TTBK2: variants seen among roughly 807,000 people sequenced by gnomAD.
The protein encoded by TTBK2 is tau-tubulin kinase 2.
TTBK2 carries 28 observed loss-of-function variants against 110.8 expected under a neutral mutation model. That is an observed-to-expected ratio of 0.25 (90% CI 0.19 to 0.35). The LOEUF is 0.35. Ranked by LOEUF, TTBK2 falls within the 10% of genes least tolerant of loss-of-function variation. The pLI is 1.00. For synonymous variants in TTBK2, 532 were observed against 527.3 expected, an observed-to-expected ratio of 1.01 and a Z score of -0.12; for missense variants, 1,369 against 1,500.3, an observed-to-expected ratio of 0.91 and a Z score of 1.45.
chr15:42,791,176 G>T (rs1004690635), intron 10 of TTBK2, among the ~76,000 whole-genome samples: 1 of 152,116 alleles, frequency 6.6e-6, no homozygotes, highest in Non-Finnish European at 1.5e-5. Flanking sequence ...GAGCCACGGT[G>T]CCTGGCCAAT....
At chr15:42,801,748 C>T in intron 9 of TTBK2, 1 of 826,436 alleles carries the variant, frequency 1.2e-6, no homozygotes, top group Non-Finnish European at 2.1e-6. Context: ...CCTGAGGAAG[C>T]TGATCTTGGC....
At chr15:42,804,503 A>T (rs1057449006) in intron 9 of TTBK2, among the ~76,000 whole-genome samples, 2 of 152,166 alleles carry the variant, frequency 1.3e-5, no homozygotes, top group Non-Finnish European at 2.9e-5. Flanking sequence ...CATTTCACAG[A>T]CTAGAAAACT....
chr15:42,856,544 T>C (rs946087118), intron 3 of TTBK2, among the ~76,000 whole-genome samples: 3 of 152,138 alleles, frequency 2.0e-5, no homozygotes, highest in Non-Finnish European at 2.9e-5. Context: ...ACTGGATAGA[T>C]ATGAGATGGT....
At chr15:42,902,791 G>A (rs1041730108) in intron 1 of TTBK2, among the ~76,000 whole-genome samples, 3 of 151,960 alleles carry the variant, frequency 2.0e-5, no homozygotes, top group Non-Finnish European at 4.4e-5. Flanking sequence ...TCAGAAGTTT[G>A]AGACCAGCCT....
intron 1 of TTBK2, among the ~76,000 whole-genome samples, chr15:42,883,794 A>G (rs980721133): frequency 3.3e-5 from 5 of 152,148 alleles, no homozygotes; most frequent in Admixed American, 2.0e-4. Context: ...AAAGACAGAG[A>G]TTAGCAGGAT....
Position 42,752,202 on chromosome 15 carries a change from C to A in TTBK2, c.3044G>T (p.Cys1015Phe). 1 of 1,614,106 alleles carries A rather than the reference C, an allele frequency of 6.2e-7. No individual in the cohort carries two copies. The highest frequency in any genetic ancestry group is 1.3e-5 in the African/African-American group (1 of 75,032). The part of the protein sequence containing the change: ...EKLATVPAPF[C>F]EEEVLTPFSR... ...AAAGGGAGTGAGCACTTCCTCCTCA[C>A]AAAAGGGAGCAGGAACAGTAGCTAG... The change falls in exon 14 of 15, where the codon TGT becomes TTT. Residue 1015 changes from cysteine (C) to phenylalanine (F), a missense_variant. Physicochemically the swap from Cys to Phe is radical, Grantham distance 205. Around this residue, in one of 4 missense-constraint regions of TTBK2, gnomAD observed 1,097 missense variants for 1,114.7 expected, o/e 0.98. Coordinates refer to ENST00000267890, the MANE Select transcript of TTBK2 (RefSeq NM_173500.4).
At chr15:42,822,936 A>C (rs538949493) in intron 6 of TTBK2, among the ~76,000 whole-genome samples, 16 of 152,338 alleles carry the variant, frequency 1.1e-4, no homozygotes, top group African/African-American at 3.6e-4. Flanking sequence ...TAAATCAAGA[A>C]AGAAGAGAAT....
intron 9 of TTBK2, among the ~76,000 whole-genome samples, chr15:42,797,589 C>T (rs989337399): frequency 1.3e-5 from 2 of 152,176 alleles, no homozygotes; most frequent in Non-Finnish European, 1.5e-5. Flanking sequence ...AGCAGGGTGG[C>T]GCTAAATCCT....
At chr15:42,802,312 CA>C (rs755630451) in intron 9 of TTBK2, 3 of 777,954 alleles carry the variant, frequency 3.9e-6, no homozygotes, top group Non-Finnish European at 7.0e-6. Flanking sequence ...GGAGCTGATG[CA>C]GGCACCAGGC....
At chr15:42,865,643 C>T (rs1192945592) in intron 3 of TTBK2, among the ~76,000 whole-genome samples, 3 of 151,210 alleles carry the variant, frequency 2.0e-5, no homozygotes, top group African/African-American at 7.3e-5. Context: ...GGCAACATAG[C>T]GAGACTCTGT....
intron 3 of TTBK2, among the ~76,000 whole-genome samples, chr15:42,860,531 G>A (rs148762166): frequency 6.6e-6 from 1 of 151,816 alleles, no homozygotes; most frequent in Non-Finnish European, 1.5e-5. Flanking sequence ...TGGATCGCTT[G>A]AGCCCAGGAG....
chr15:42,855,819 G>C (rs564627287), intron 3 of TTBK2, among the ~76,000 whole-genome samples: 4 of 152,156 alleles, frequency 2.6e-5, no homozygotes, highest in Admixed American at 1.3e-4. Context: ...CGAGCAGCTG[G>C]GACTACAGGC....
At chr15:42,806,817 A>ATTTTT (rs541566517) in intron 9 of TTBK2, among the ~76,000 whole-genome samples, 1 of 144,020 alleles carries the variant, frequency 6.9e-6, no homozygotes, top group African/African-American at 2.5e-5. Flanking sequence ...TTTTTTTGTG[A>ATTTTT]TTTTTTTTTT....
chr15:42,884,017 A>G (rs994070587), intron 1 of TTBK2, among the ~76,000 whole-genome samples: 30 of 152,206 alleles, frequency 2.0e-4, no homozygotes, highest in African/African-American at 7.2e-4. Context: ...AAAGAAAATC[A>G]CTGGAGATAA....
At chr15:42,875,920 A>AAT (rs1446084907) in intron 2 of TTBK2, among the ~76,000 whole-genome samples, 1 of 150,952 alleles carries the variant, frequency 6.6e-6, no homozygotes, top group African/African-American at 2.4e-5. Context: ...AAAAAAAAAA[A>AAT]AAAAAAAGAA....
intron 13 of TTBK2, among the ~76,000 whole-genome samples, chr15:42,771,035 G>A (rs1159904648): frequency 1.3e-5 from 2 of 150,876 alleles, no homozygotes; most frequent in African/African-American, 2.4e-5. Flanking sequence ...GTGCAGTGGC[G>A]CGATCTCGGC....
chr15:42,800,936 C>A (rs774059424), intron 9 of TTBK2: 2 of 721,438 alleles, frequency 2.8e-6, no homozygotes, highest in African/African-American at 1.7e-5. Context: ...CTGCGGCAGC[C>A]GCAGGAGGGA....
chr15:42,842,919 T>C (rs1893286630), intron 3 of TTBK2, among the ~76,000 whole-genome samples: 1 of 152,180 alleles, frequency 6.6e-6, no homozygotes, highest in African/African-American at 2.4e-5. Flanking sequence ...TGCAAAATAG[T>C]GTTATCTATT....
At chr15:42,898,064 G>A (rs1207902388) in intron 1 of TTBK2, among the ~76,000 whole-genome samples, 1 of 152,130 alleles carries the variant, frequency 6.6e-6, no homozygotes, top group African/African-American at 2.4e-5. Context: ...GATGGTGCGT[G>A]CCTGTTGTCC....
Sources: gnomAD v4.1 joint callset for allele counts (sites outside exome capture counted in the v4.1 genomes callset) on GRCh38, gnomAD v4.1.1 for gene constraint, gnomAD v4.1.1 regional missense constraint, MANE v1.5 for transcripts, NCBI Gene and HGNC (gene_info 2026-07-23, HGNC 2026-07-21) for gene names.